The following PDE7A variants were observed in gnomAD, a reference collection of about 807,000 sequenced individuals.
PDE7A encodes phosphodiesterase 7A.
A neutral mutation model predicts 64.3 loss-of-function variants in PDE7A; 39 were observed. The observed-to-expected ratio is 0.61, with a 90% CI of 0.47 to 0.79. The LOEUF (loss-of-function observed/expected upper bound fraction) is 0.79, where lower values mean the gene tolerates loss of function less well. PDE7A is among the 30% of genes least tolerant of loss of function. The pLI is 0.00. For synonymous variants in PDE7A, 203 were observed against 206.8 expected (o/e 0.98, Z 0.16); for missense variants, 470 against 582.8 (o/e 0.81, Z 1.99).
intron 1 of PDE7A, among the ~76,000 whole-genome samples, chr8:65,829,872 G>A (rs1810768690): frequency 6.6e-6 from 1 of 152,100 alleles, no homozygotes; most frequent in African/African-American, 2.4e-5. Context: ...CAACAAGGCA[G>A]CAACAAGTAA....
chr8:65,798,206 A>ATATATATATATATATATATATATAT, intron 1 of PDE7A, among the ~76,000 whole-genome samples: 1 of 73,832 alleles, frequency 1.4e-5, no homozygotes, highest in African/African-American at 5.8e-5. Flanking sequence ...ATATATATAT[A>ATATATATATATATATATATATATAT]TTTTTTTTTT....
chr8:65,759,265 G>A (rs147324610), intron 3 of PDE7A, among the ~76,000 whole-genome samples: 1 of 152,270 alleles, frequency 6.6e-6, no homozygotes, highest in Non-Finnish European at 1.5e-5. Flanking sequence ...CAAAATGGGG[G>A]TGAGGGGCTC....
intron 6 of PDE7A, among the ~76,000 whole-genome samples, chr8:65,737,370 G>A (rs1253146806): frequency 6.6e-6 from 1 of 152,062 alleles, no homozygotes; most frequent in Admixed American, 6.5e-5. Flanking sequence ...ATAATTGCCA[G>A]TATAGCTACT....
intron 6 of PDE7A, among the ~76,000 whole-genome samples, chr8:65,736,775 G>A (rs1045728467): frequency 3.6e-5 from 5 of 137,376 alleles, no homozygotes; most frequent in Middle Eastern, 3.8e-3. Flanking sequence ...AAAGCCCTAT[G>A]TAATAAATTT....
intron 1 of PDE7A, chr8:65,788,959 C>A: frequency 6.2e-7 from 1 of 1,610,492 alleles, no homozygotes; most frequent in Non-Finnish European, 8.5e-7. Context: ...ATCAAAAGCC[C>A]GCTGCATAAT....
chr8:65,742,196 A>G (rs1056125550), intron 5 of PDE7A, among the ~76,000 whole-genome samples: 1 of 152,276 alleles, frequency 6.6e-6, no homozygotes, highest in African/African-American at 2.4e-5. Context: ...ACATAAAAAT[A>G]TATCAAAAGA....
At chr8:65,788,891 G>T in intron 1 of PDE7A, 1 of 1,606,940 alleles carries the variant, frequency 6.2e-7, no homozygotes, top group Non-Finnish European at 8.5e-7. Flanking sequence ...CCTTAGAGGT[G>T]ATCCACTTGA....
At position 65,727,155 on chromosome 8, in the gene PDE7A, TA is replaced by T; in HGVS notation, c.828+14del. ...ATGCAAAAATAATAAATCTTGATGA[TA>T]AAATTGCACTAACCTTGTATAAAGT... On this transcript the variant is annotated intron_variant, in intron 8 of 12. Coordinates refer to ENST00000401827, the MANE Select transcript of PDE7A (RefSeq NM_001242318.3). 1 of 1,408,058 alleles carries T rather than the reference TA, an allele frequency of 7.1e-7. No homozygotes were observed. The highest frequency in any genetic ancestry group is 1.0e-6 in the Non-Finnish European group (1 of 1,001,384). The allele number at this position is 1,408,058 out of a possible 1,614,324, so 87.2% of individuals were successfully genotyped here. A position where few individuals can be genotyped will look rare whatever the true frequency, so the allele number is the denominator to read the frequency against.
In PDE7A at chr8:65,719,025, T is replaced by TA. The variant is rs1806262772; in HGVS notation, c.*264dup. The TA allele has an allele frequency of 2.0e-6, 1 of 500,354 alleles. No individual in the cohort carries two copies. The highest frequency in any genetic ancestry group is 2.6e-5 in the South Asian group (1 of 39,044). 31.0% of individuals were successfully genotyped at this position (500,354 alleles called of 1,614,324 possible). ...TGGCACATATCAAAACTTCCTTTGT[T>TA]ACTCCTTTCGGATTCTCTCCTGCTG... On this transcript the variant is annotated 3_prime_UTR_variant, in exon 13 of 13. Coordinates refer to ENST00000401827, the MANE Select transcript of PDE7A (RefSeq NM_001242318.3).
chr8:65,787,436 T>C (rs1304092862), intron 1 of PDE7A, among the ~76,000 whole-genome samples: 1 of 152,310 alleles, frequency 6.6e-6, no homozygotes, highest in South Asian at 2.1e-4. Context: ...GAAGTCAATT[T>C]CCTCTGACAT....
chr8:65,751,332 C>T lies in PDE7A; in HGVS notation c.284-3529G>A, dbSNP rs953718375. ...AATCTTTGAATATGTAATGCATTCACGTTTCAAAAACAAGAAGGGAGGGAA... is the reference window on the plus strand; with the variant it reads ...AATCTTTGAATATGTAATGCATTCATGTTTCAAAAACAAGAAGGGAGGGAA... On this transcript the variant is annotated intron_variant, in intron 3 of 12. Coordinates refer to ENST00000401827, the MANE Select transcript of PDE7A (RefSeq NM_001242318.3). Among the ~76,000 whole-genome samples, 4 of 152,018 alleles carry T rather than the reference C, an allele frequency of 2.6e-5. 1 individual carries two copies. Among genetic ancestry groups the T allele is most frequent in the South Asian group, 4.1e-4 (2 of 4,820 alleles).
Position 65,745,452 on chromosome 8 carries a change from C to T in PDE7A, c.454G>A (p.Gly152Arg). 6.4e-7 allele frequency: 1 copy of T among 1,565,966 alleles called. No individual in the cohort carries two copies. The highest frequency in any genetic ancestry group is 8.8e-7 in the Non-Finnish European group (1 of 1,136,402). The change falls in exon 5 of 13, where the codon GGA becomes AGA. Residue 152 changes from glycine to arginine, a missense_variant. Transcript: ENST00000401827. ...GQAKCMLEKV[G>R]NWNFDIFLFD... ...AGAAAGATATCAAAATTCCAATTTC[C>T]AACTTTTTCCAGCATACACTGAAAT...
chr8:65,721,278 G>A (rs1283747451), intron 12 of PDE7A, among the ~76,000 whole-genome samples: 1 of 152,098 alleles, frequency 6.6e-6, no homozygotes, highest in Non-Finnish European at 1.5e-5. Context: ...ATATTTTCTT[G>A]TTCAACAAAA....
At chr8:65,740,372 G>A (rs570099190) in intron 5 of PDE7A, among the ~76,000 whole-genome samples, 4 of 152,090 alleles carry the variant, frequency 2.6e-5, no homozygotes, top group Admixed American at 6.6e-5. Flanking sequence ...AGCCTCATAT[G>A]TCACAGAAAT....
chr8:65,792,458 C>T (rs1274043361), intron 1 of PDE7A, among the ~76,000 whole-genome samples: 1 of 152,206 alleles, frequency 6.6e-6, no homozygotes, highest in Non-Finnish European at 1.5e-5. Context: ...ACTCACAGGA[C>T]ACCTGTCAAT....
At chr8:65,784,367 A>G (rs1809493586) in intron 1 of PDE7A, among the ~76,000 whole-genome samples, 1 of 152,220 alleles carries the variant, frequency 6.6e-6, no homozygotes, top group Admixed American at 6.5e-5. Context: ...TGGAGGAAAT[A>G]CTGATTTTTA....
chr8:65,796,347 G>C (rs1295984166), intron 1 of PDE7A, among the ~76,000 whole-genome samples: 1 of 151,898 alleles, frequency 6.6e-6, no homozygotes, highest in Non-Finnish European at 1.5e-5. Flanking sequence ...ACTATACCTA[G>C]ATACATAGCA....
At position 65,841,353 on chromosome 8, in the gene PDE7A, C is replaced by A. The variant is rs916509857; in HGVS notation, c.138+18G>T. 2.0e-6 allele frequency: 3 copies of A among 1,523,190 alleles called. No individual in the cohort carries two copies. Among genetic ancestry groups the A allele is most frequent in the African/African-American group, 2.9e-5 (2 of 69,292 alleles). 94.4% of individuals were successfully genotyped at this position (1,523,190 alleles called of 1,614,324 possible). A position where few individuals can be genotyped will look rare whatever the true frequency, so the allele number is the denominator to read the frequency against. On this transcript the variant is annotated intron_variant, in intron 1 of 12. Coordinates refer to ENST00000401827, the MANE Select transcript of PDE7A (RefSeq NM_001242318.3). ...AAAGAGAGAAGCCCTCAAGTGTGGG[C>A]CCGGCGGCGGCGATTACCTGAGAGA...
chr8:65,753,338 A>G (rs1485442809), intron 3 of PDE7A, among the ~76,000 whole-genome samples: 7 of 152,196 alleles, frequency 4.6e-5, no homozygotes, highest in African/African-American at 1.7e-4. Context: ...TACTACCCAA[A>G]TGGCTCTCTC....
Sources: gnomAD v4.1 joint callset for allele counts (sites outside exome capture counted in the v4.1 genomes callset) on GRCh38, gnomAD v4.1.1 for gene constraint, MANE v1.5 for transcripts, NCBI Gene and HGNC (gene_info 2026-07-23, HGNC 2026-07-21) for gene names.